TGFBR3: variants seen among roughly 807,000 people sequenced by gnomAD.
The protein encoded by TGFBR3 is transforming growth factor beta receptor 3.
TGFBR3 carries 46 observed loss-of-function variants against 87.9 expected under a neutral mutation model. The observed-to-expected ratio is 0.52, with a 90% CI of 0.41 to 0.67. The LOEUF is 0.67. Ranked by LOEUF, TGFBR3 falls within the 30% of genes least tolerant of loss-of-function variation. The pLI, the probability that TGFBR3 is intolerant of heterozygous loss-of-function variation, is 0.00. For missense variants in TGFBR3, 866 were observed against 1,041.9 expected, an observed-to-expected ratio of 0.83 and a Z score of 2.32; for synonymous variants, 381 against 391.6, an observed-to-expected ratio of 0.97 and a Z score of 0.32.
At chr1:91,859,401 TTC>T (rs1200563198) in intron 2 of TGFBR3, among the ~76,000 whole-genome samples, 39 of 147,568 alleles carry the variant, frequency 2.6e-4, no homozygotes, top group African/African-American at 7.4e-4. Flanking sequence ...CTCTCCCTCT[TTC>T]TCTCTCTCTT....
chr1:91,788,301 C>T (rs539049386), intron 3 of TGFBR3, among the ~76,000 whole-genome samples: 6 of 152,114 alleles, frequency 3.9e-5, no homozygotes, highest in Non-Finnish European at 8.8e-5. Context: ...TTCAAAGGGG[C>T]ATCATCAGGG....
intron 3 of TGFBR3, among the ~76,000 whole-genome samples, chr1:91,795,906 A>G (rs2101002268): frequency 6.6e-6 from 1 of 152,212 alleles, no homozygotes; most frequent in South Asian, 2.1e-4. Context: ...AAATGAGCCA[A>G]CTCTGCACAC....
intron 13 of TGFBR3, among the ~76,000 whole-genome samples, chr1:91,709,510 G>A (rs1321321723): frequency 6.6e-6 from 1 of 152,162 alleles, no homozygotes; most frequent in African/African-American, 2.4e-5. Context: ...ATGTTGCTGA[G>A]TTTGTTTCAT....
At chr1:91,898,062 T>G (rs1679589114) in intron 2 of TGFBR3, among the ~76,000 whole-genome samples, 1 of 147,284 alleles carries the variant, frequency 6.8e-6, no homozygotes. Context: ...AAAAAAGAAA[T>G]AAAACATTAC....
rs1671739332 is a variant in TGFBR3 at position 91,704,772 on chromosome 1, A to G, written c.2287+3891T>C. On this transcript the variant is annotated intron_variant, in intron 14 of 16. Coordinates refer to ENST00000212355, the MANE Select transcript of TGFBR3 (RefSeq NM_003243.5). ...ATTCCCAAGGGACTTAGAGATCAAA[A>G]GTGGCAAAGATGTGCTCAGGAAGGT... 2.6e-5 allele frequency among the ~76,000 whole-genome samples: 4 copies of G among 152,244 alleles called. No individual in the cohort carries two copies. The South Asian group carries it at 8.3e-4, about 32-fold the overall frequency.
At chr1:91,741,928 C>T (rs1053227919) in intron 4 of TGFBR3, among the ~76,000 whole-genome samples, 1 of 152,172 alleles carries the variant, frequency 6.6e-6, no homozygotes, top group African/African-American at 2.4e-5. Context: ...AGCGGAATGG[C>T]ACCTAAGCAT....
At chr1:91,885,332 C>A (rs1679250122) in intron 1 of TGFBR3, among the ~76,000 whole-genome samples, 1 of 136,900 alleles carries the variant, frequency 7.3e-6, no homozygotes, top group Non-Finnish European at 1.5e-5. Context: ...CAAATGAATA[C>A]AAGAAGAGAG....
rs17884688 is a variant in TGFBR3, at chr1:91,720,405, C to G, written c.1076-175G>C. Among the ~76,000 whole-genome samples, 407 of 152,302 alleles carry G rather than the reference C, an allele frequency of 2.7e-3. 1 individual carries two copies. Among genetic ancestry groups the G allele is most frequent in the African/African-American group, 9.3e-3 (388 of 41,556 alleles). On this transcript the variant is annotated intron_variant, in intron 8 of 16. Coordinates refer to ENST00000212355, the MANE Select transcript of TGFBR3 (RefSeq NM_003243.5). ...AAGCCTGAATTCTAGTCCTGGTGTT[C>G]TCTCTAACTAGCTCAGTGGCTTTAG...
intron 2 of TGFBR3, among the ~76,000 whole-genome samples, chr1:91,859,660 T>C (rs1017748712): frequency 6.6e-6 from 1 of 152,046 alleles, no homozygotes; most frequent in Non-Finnish European, 1.5e-5. Flanking sequence ...GGGAAGTGGC[T>C]CACGCCTGTA....
chr1:91,694,294 G>A (rs953445111), intron 16 of TGFBR3, among the ~76,000 whole-genome samples: 3 of 152,228 alleles, frequency 2.0e-5, no homozygotes, highest in South Asian at 4.1e-4. Flanking sequence ...AATCTTTCAC[G>A]TAAACATACT....
At position 91,691,685 on chromosome 1, in the gene TGFBR3, A is replaced by G. The variant is rs74864883; in HGVS notation, c.2437+3987T>C. Among the ~76,000 whole-genome samples, 666 of 152,324 alleles carry G rather than the reference A, an allele frequency of 4.4e-3. 5 individuals carry two copies. Among genetic ancestry groups the G allele is most frequent in the African/African-American group, 0.014 (592 of 41,562 alleles). On this transcript the variant is annotated intron_variant, in intron 16 of 16. Transcript: ENST00000212355. ...AAAGAGAAGTGAAGGGAATGCACAG[A>G]ATGGTAGCGAAGAAGATCATAGGAA... is the stretch of plus-strand genomic sequence containing the variant.
At chr1:91,808,148 C>T (rs1675904792) in intron 2 of TGFBR3, among the ~76,000 whole-genome samples, 1 of 152,222 alleles carries the variant, frequency 6.6e-6, no homozygotes. Context: ...TACAGCTGGG[C>T]ATGTACTCCC....
At chr1:91,810,016 G>C (rs960600956) in intron 2 of TGFBR3, among the ~76,000 whole-genome samples, 1 of 152,060 alleles carries the variant, frequency 6.6e-6, no homozygotes, top group Non-Finnish European at 1.5e-5. Context: ...AGAGACAGAA[G>C]GATTGTGCTC....
intron 2 of TGFBR3, among the ~76,000 whole-genome samples, chr1:91,819,136 G>A (rs1175029180): frequency 2.6e-5 from 4 of 152,112 alleles, no homozygotes; most frequent in Admixed American, 6.5e-5. Flanking sequence ...TTGGGAGGCC[G>A]AGGCAGGTGG....
intron 2 of TGFBR3, among the ~76,000 whole-genome samples, chr1:91,835,414 T>C (rs1261045073): frequency 3.3e-5 from 5 of 152,156 alleles, no homozygotes; most frequent in Non-Finnish European, 7.4e-5. Context: ...CAAGGAAGAA[T>C]TTCCCAAGAG....
chr1:91,776,545 G>C (rs971566478), intron 3 of TGFBR3, among the ~76,000 whole-genome samples: 1 of 152,136 alleles, frequency 6.6e-6, no homozygotes, highest in Non-Finnish European at 1.5e-5. Context: ...GTAAAACAGA[G>C]CTAACAGAAT....
At chr1:91,842,703 C>A (rs1677332741) in intron 2 of TGFBR3, among the ~76,000 whole-genome samples, 2 of 152,218 alleles carry the variant, frequency 1.3e-5, no homozygotes, top group Admixed American at 6.5e-5. Flanking sequence ...TCTTTTCCTA[C>A]ACATATATAT....
intron 4 of TGFBR3, among the ~76,000 whole-genome samples, chr1:91,742,125 C>T (rs928860104): frequency 2.0e-4 from 31 of 152,262 alleles, no homozygotes; most frequent in African/African-American, 7.5e-4. Flanking sequence ...CGTTCTGTGT[C>T]CTCCCAGGAG....
chr1:91,876,760 C>T (rs781588088), intron 1 of TGFBR3, among the ~76,000 whole-genome samples: 3 of 152,020 alleles, frequency 2.0e-5, no homozygotes, highest in Admixed American at 6.6e-5. Flanking sequence ...AAAAAGAAGC[C>T]GAAGGAGGAA....
Sources: gnomAD v4.1 joint callset for allele counts (sites outside exome capture counted in the v4.1 genomes callset) on GRCh38, gnomAD v4.1.1 for gene constraint, MANE v1.5 for transcripts, NCBI Gene and HGNC (gene_info 2026-07-23, HGNC 2026-07-21) for gene names.